TAFA4: variants seen among roughly 807,000 people sequenced by gnomAD.
TAFA4 encodes TAFA chemokine like family member 4.
TAFA4 carries 20 observed loss-of-function variants against 21.1 expected under a neutral mutation model. The observed-to-expected ratio is 0.95, with a 90% CI of 0.67 to 1.38. TAFA4 has a LOEUF of 1.38. TAFA4 is among the 40% of genes most tolerant of loss of function. The pLI is 0.00. For missense variants in TAFA4, 211 were observed against 180.9 expected (o/e 1.17, Z -0.95); for synonymous variants, 71 against 67.4 (o/e 1.05, Z -0.26).
chr3:68,737,212 G>A (rs748251407), intron 5 of TAFA4, among the ~76,000 whole-genome samples: 27 of 151,934 alleles, frequency 1.8e-4, no homozygotes, highest in Non-Finnish European at 3.2e-4. Flanking sequence ...ACCCTAATTC[G>A]TGGGCTACTC....
intron 3 of TAFA4, among the ~76,000 whole-genome samples, chr3:68,840,160 T>C (rs1704624868): frequency 6.6e-6 from 1 of 152,176 alleles, no homozygotes; most frequent in African/African-American, 2.4e-5. Flanking sequence ...GAGCATTCCC[T>C]GGACAGAAAT....
At chr3:68,911,674 C>T (rs2089963033) in intron 1 of TAFA4, among the ~76,000 whole-genome samples, 1 of 152,174 alleles carries the variant, frequency 6.6e-6, no homozygotes. Flanking sequence ...AATACAAGTT[C>T]ACCTGTAACC....
At chr3:68,873,330 G>A (rs940706513) in intron 3 of TAFA4, among the ~76,000 whole-genome samples, 6 of 68,656 alleles carry the variant, frequency 8.7e-5, no homozygotes, top group African/African-American at 1.4e-4. Context: ...ACAGACACAC[G>A]CAGACATACA....
At chr3:68,869,975 A>G (rs1224446137) in intron 3 of TAFA4, among the ~76,000 whole-genome samples, 2 of 152,124 alleles carry the variant, frequency 1.3e-5, no homozygotes, top group East Asian at 1.9e-4. Context: ...GATTCCAACA[A>G]AAAACACTGA....
At chr3:68,896,652 T>G (rs1194903201) in intron 1 of TAFA4, among the ~76,000 whole-genome samples, 1 of 152,172 alleles carries the variant, frequency 6.6e-6, no homozygotes, top group East Asian at 1.9e-4. Flanking sequence ...ATTGACTGCT[T>G]GTTCGCAGGC....
At chr3:68,901,411 G>C (rs752628939) in intron 1 of TAFA4, among the ~76,000 whole-genome samples, 139 of 151,982 alleles carry the variant, frequency 9.1e-4, no homozygotes, top group Admixed American at 2.2e-3. Flanking sequence ...GAAGAAATGA[G>C]CCCCCAGAAA....
intron 4 of TAFA4, among the ~76,000 whole-genome samples, chr3:68,752,445 T>C (rs1275814264): frequency 6.6e-6 from 1 of 152,196 alleles, no homozygotes; most frequent in East Asian, 1.9e-4. Flanking sequence ...TAAATGTCTG[T>C]TAAAATGATA....
At chr3:68,848,587 C>A (rs1704867419) in intron 3 of TAFA4, among the ~76,000 whole-genome samples, 1 of 152,186 alleles carries the variant, frequency 6.6e-6, no homozygotes, top group South Asian at 2.1e-4. Context: ...TGATACCATG[C>A]ACTTGGATTA....
At chr3:68,738,693 C>T (rs1389263226) in intron 5 of TAFA4, among the ~76,000 whole-genome samples, 1 of 152,186 alleles carries the variant, frequency 6.6e-6, no homozygotes, top group Non-Finnish European at 1.5e-5. Flanking sequence ...GAATCTCCAA[C>T]CATTAAATCT....
At chr3:68,911,162 G>C (rs996891337) in intron 1 of TAFA4, among the ~76,000 whole-genome samples, 11 of 152,298 alleles carry the variant, frequency 7.2e-5, no homozygotes, top group Non-Finnish European at 1.3e-4. Flanking sequence ...TTTGGGAGGA[G>C]AGCAATTATG....
At chr3:68,876,270 CAT>C (rs1247361233) in intron 3 of TAFA4, among the ~76,000 whole-genome samples, 1 of 152,192 alleles carries the variant, frequency 6.6e-6, no homozygotes, top group South Asian at 2.1e-4. Context: ...TGCAAAATTA[CAT>C]GTGGCTCTAT....
At chr3:68,762,830 G>A (rs927866571) in intron 3 of TAFA4, among the ~76,000 whole-genome samples, 2 of 152,242 alleles carry the variant, frequency 1.3e-5, no homozygotes, top group African/African-American at 4.8e-5. Flanking sequence ...CTTGAGGCCA[G>A]GGATTCAAGA....
chr3:68,804,119 G>C (rs1036094270), intron 3 of TAFA4, among the ~76,000 whole-genome samples: 7 of 151,920 alleles, frequency 4.6e-5, no homozygotes, highest in Non-Finnish European at 7.4e-5. Context: ...TTAAACCATA[G>C]TAAGAAACAA....
chr3:68,879,298 T>C (rs936132639), intron 3 of TAFA4, among the ~76,000 whole-genome samples: 2 of 152,038 alleles, frequency 1.3e-5, no homozygotes, highest in African/African-American at 4.8e-5. Context: ...CCCCAATTAA[T>C]TCTGGTGATC....
chr3:68,806,192 A>T (rs1575616291), intron 3 of TAFA4, among the ~76,000 whole-genome samples: 1 of 152,270 alleles, frequency 6.6e-6, no homozygotes, highest in African/African-American at 2.4e-5. Context: ...ACAGAAAAAA[A>T]AATAATACTT....
At chr3:68,827,981 C>T (rs1362174669) in intron 3 of TAFA4, among the ~76,000 whole-genome samples, 2 of 152,112 alleles carry the variant, frequency 1.3e-5, no homozygotes, top group African/African-American at 2.4e-5. Flanking sequence ...AATGGTATTT[C>T]CTAGGTTTTC....
Position 68,744,696 on chromosome 3 carries a change from G to A in TAFA4, c.287-5497C>T, listed in dbSNP as rs145891001. Among the ~76,000 whole-genome samples the A allele has an allele frequency of 3.5e-3, 540 of 152,210 alleles. 1 individual carries two copies. The highest frequency in any genetic ancestry group is 0.012 in the African/African-American group (511 of 41,534). On this transcript the variant is annotated intron_variant, in intron 4 of 5. Transcript: ENST00000295569. ...ATGACGGATCCGGATGTATATCACA[G>A]AACACTATGCCACTTCTTAACTACA...
At chr3:68,778,399 C>T (rs1206432870) in intron 3 of TAFA4, among the ~76,000 whole-genome samples, 1 of 152,096 alleles carries the variant, frequency 6.6e-6, no homozygotes, top group Non-Finnish European at 1.5e-5. Flanking sequence ...TCAAAATAAA[C>T]AGAGCAAAAA....
chr3:68,857,478 C>T (rs1206331674), intron 3 of TAFA4, among the ~76,000 whole-genome samples: 2 of 152,034 alleles, frequency 1.3e-5, no homozygotes, highest in Admixed American at 6.6e-5. Flanking sequence ...TTTGATCACC[C>T]AGAAAATGCT....
Sources: gnomAD v4.1 joint callset for allele counts (sites outside exome capture counted in the v4.1 genomes callset) on GRCh38, gnomAD v4.1.1 for gene constraint, MANE v1.5 for transcripts, NCBI Gene and HGNC (gene_info 2026-07-23, HGNC 2026-07-21) for gene names.